PLD5: variants seen among roughly 807,000 people sequenced by gnomAD.
PLD5 encodes the protein inactive phospholipase D5.
A neutral mutation model predicts 61.1 loss-of-function variants in PLD5; 36 were observed. The observed-to-expected ratio is 0.59, with a 90% CI of 0.45 to 0.78. The LOEUF (loss-of-function observed/expected upper bound fraction) is 0.78, where lower values mean the gene tolerates loss of function less well. Ranked by LOEUF, PLD5 falls within the 30% of genes least tolerant of loss-of-function variation. The pLI is 0.00. For synonymous variants in PLD5, 243 were observed against 242.8 expected, an observed-to-expected ratio of 1.00 and a Z score of -0.01; for missense variants, 515 against 644.4, an observed-to-expected ratio of 0.80 and a Z score of 2.17.
intron 3 of PLD5, among the ~76,000 whole-genome samples, chr1:242,281,748 G>A (rs973232653): frequency 6.6e-6 from 1 of 152,104 alleles, no homozygotes; most frequent in African/African-American, 2.4e-5. Flanking sequence ...AGTCCTTCTA[G>A]ATGTTTTCCA....
intron 5 of PLD5, among the ~76,000 whole-genome samples, chr1:242,133,558 G>C (rs1051025316): frequency 3.9e-5 from 6 of 152,192 alleles, no homozygotes; most frequent in African/African-American, 1.4e-4. Flanking sequence ...AAAAGGGGAA[G>C]TGACTTGCAA....
intron 7 of PLD5, among the ~76,000 whole-genome samples, chr1:242,110,081 ATTATTATT>A (rs1283547150): frequency 7.1e-6 from 1 of 141,182 alleles, no homozygotes; most frequent in African/African-American, 2.6e-5. Flanking sequence ...ATTATATATT[ATTATTATT>A]ATATTATTAT....
chr1:242,146,481 CT>C (rs1664549657), intron 5 of PLD5, among the ~76,000 whole-genome samples: 1 of 152,034 alleles, frequency 6.6e-6, no homozygotes, highest in Non-Finnish European at 1.5e-5. Context: ...TAAAAAAACC[CT>C]ACCTTAATTT....
intron 5 of PLD5, among the ~76,000 whole-genome samples, chr1:242,204,368 G>A (rs1297157560): frequency 6.6e-6 from 1 of 152,122 alleles, no homozygotes; most frequent in East Asian, 1.9e-4. Flanking sequence ...GTAGAATAAA[G>A]CTCTATAGCA....
chr1:242,158,470 C>T (rs150200698), intron 5 of PLD5, among the ~76,000 whole-genome samples: 9 of 152,234 alleles, frequency 5.9e-5, no homozygotes, highest in East Asian at 3.9e-4. Flanking sequence ...TCCTGGTCTG[C>T]GGGTTGCGAA....
intron 1 of PLD5, among the ~76,000 whole-genome samples, chr1:242,475,316 G>C (rs1037850853): frequency 2.6e-5 from 4 of 151,452 alleles, no homozygotes; most frequent in East Asian, 3.9e-4. Context: ...CCAGCTACTC[G>C]GGAGGCTGAG....
At chr1:242,191,716 G>A (rs959177992) in intron 5 of PLD5, among the ~76,000 whole-genome samples, 7 of 152,056 alleles carry the variant, frequency 4.6e-5, no homozygotes, top group South Asian at 4.1e-4. Flanking sequence ...AATGCTAGAC[G>A]TAAGAATGTA....
chr1:242,203,234 C>T (rs1669098385), intron 5 of PLD5, among the ~76,000 whole-genome samples: 1 of 152,152 alleles, frequency 6.6e-6, no homozygotes, highest in South Asian at 2.1e-4. Context: ...CATAGGATTC[C>T]TCACTTCTGG....
upstream of PLD5, among the ~76,000 whole-genome samples, chr1:242,529,328 T>C (rs1402664425): frequency 6.6e-6 from 1 of 152,246 alleles, no homozygotes; most frequent in East Asian, 1.9e-4. Context: ...AGTGAACTTA[T>C]CTATGTACAA....
rs574352930 is a variant in PLD5, at chr1:242,471,416, G to A, written c.189+52672C>T. Among the ~76,000 whole-genome samples, 25 of 152,296 alleles carry A rather than the reference G, an allele frequency of 1.6e-4. 1 individual carries two copies. In the South Asian group the frequency reaches 4.8e-3, roughly 29 times the overall value. ...TGCCTATGAGGCAGCAGGAAGTGAA[G>A]GTCTTGGAAGCCCATAACTGACTCA... On this transcript the variant is annotated intron_variant, in intron 1 of 9. Transcript: ENST00000536534.
chr1:242,202,379 C>G (rs989364532), intron 5 of PLD5, among the ~76,000 whole-genome samples: 1 of 152,148 alleles, frequency 6.6e-6, no homozygotes, highest in Non-Finnish European at 1.5e-5. Context: ...ATGATGTTAG[C>G]TCACATTTAT....
chr1:242,454,743 G>A (rs1572182350), intron 1 of PLD5, among the ~76,000 whole-genome samples: 1 of 152,208 alleles, frequency 6.6e-6, no homozygotes, highest in Admixed American at 6.5e-5. Context: ...AGCAGCCATT[G>A]TAGATCAGAG....
intron 5 of PLD5, among the ~76,000 whole-genome samples, chr1:242,159,407 C>T (rs945381849): frequency 1.2e-4 from 19 of 152,156 alleles, no homozygotes; most frequent in Non-Finnish European, 2.6e-4. Flanking sequence ...TAGGTCTCTC[C>T]TTTGCACTGC....
At chr1:242,391,439 C>A (rs1662926544) in intron 1 of PLD5, among the ~76,000 whole-genome samples, 1 of 152,070 alleles carries the variant, frequency 6.6e-6, no homozygotes, top group Admixed American at 6.6e-5. Flanking sequence ...ATATTTTAAA[C>A]ACACAAAAGG....
intron 1 of PLD5, among the ~76,000 whole-genome samples, chr1:242,360,958 A>C (rs1661033250): frequency 6.6e-6 from 1 of 152,130 alleles, no homozygotes; most frequent in Non-Finnish European, 1.5e-5. Flanking sequence ...TTACCTCAAT[A>C]ATAATTCTGA....
Position 242,253,315 on chromosome 1 carries a change from T to G in PLD5, c.607+12022A>C. 1.4e-5 allele frequency among the ~76,000 whole-genome samples: 2 copies of G among 143,270 alleles called. 1 individual carries two copies. Among genetic ancestry groups the G allele is most frequent in the Admixed American group, 1.4e-4 (2 of 14,480 alleles). 94.0% of individuals were successfully genotyped at this position (143,270 alleles called of 152,430 possible). A position where few individuals can be genotyped will look rare whatever the true frequency, so the allele number is the denominator to read the frequency against. On this transcript the variant is annotated intron_variant, in intron 4 of 9. Transcript: ENST00000536534. ...CCCAGCCTCTCTTCACTTTTTTTTT[T>G]TTTTTTTTTTTTTTTAAGACGGAGT...
intron 1 of PLD5, chr1:242,376,958 GA>G (rs1354934503): frequency 3.5e-5 from 57 of 1,610,710 alleles, no homozygotes; most frequent in Admixed American, 1.5e-4. Flanking sequence ...TGGATTTGAT[GA>G]AGGCCATGCC....
chr1:242,260,354 A>C (rs1231030690), intron 4 of PLD5, among the ~76,000 whole-genome samples: 1 of 151,832 alleles, frequency 6.6e-6, no homozygotes, highest in Admixed American at 6.6e-5. Context: ...CTCAAAAAAA[A>C]AAAAAAAGAA....
intron 5 of PLD5, among the ~76,000 whole-genome samples, chr1:242,207,759 TA>T (rs1200553306): frequency 2.1e-5 from 1 of 48,618 alleles, no homozygotes; most frequent in Non-Finnish European, 3.4e-5. Context: ...TATATATATT[TA>T]TATTTATATA....
Sources: allele counts gnomAD v4.1 joint callset (sites outside exome capture counted in the v4.1 genomes callset), GRCh38; gene constraint gnomAD v4.1.1; transcripts MANE v1.5; gene names NCBI Gene and HGNC (gene_info 2026-07-23, HGNC 2026-07-21).